The following SMIM35 variants were observed in gnomAD, a reference collection of about 807,000 sequenced individuals.
SMIM35 encodes the protein small integral membrane protein 35.
intron 1 of SMIM35, among the ~76,000 whole-genome samples, chr11:118,050,462 C>A (rs1303197853): frequency 2.6e-5 from 4 of 152,224 alleles, no homozygotes; most frequent in African/African-American, 9.6e-5. Flanking sequence ...CCACTGACAC[C>A]AACCATCAGC....
intron 4 of SMIM35, among the ~76,000 whole-genome samples, chr11:118,008,435 A>G (rs1424172936): frequency 6.6e-6 from 1 of 152,224 alleles, no homozygotes; most frequent in Non-Finnish European, 1.5e-5. Flanking sequence ...GGCTCCTGGC[A>G]CCAGGCCCCC....
chr11:118,029,769 G>A (rs1202111190), intron 1 of SMIM35: 2 of 457,144 alleles, frequency 4.4e-6, no homozygotes, highest in East Asian at 1.4e-4. Flanking sequence ...CCCTTTCCCA[G>A]AGGTCTGAGG....
intron 1 of SMIM35, among the ~76,000 whole-genome samples, chr11:118,076,553 C>T (rs184333869): frequency 8.2e-4 from 125 of 152,248 alleles, no homozygotes; most frequent in Non-Finnish European, 1.6e-3. Flanking sequence ...GAATATTGAA[C>T]GGCTGCTGAG....
intron 1 of SMIM35, among the ~76,000 whole-genome samples, chr11:118,076,123 A>T (rs1241432545): frequency 6.6e-6 from 1 of 152,186 alleles, no homozygotes; most frequent in Non-Finnish European, 1.5e-5. Flanking sequence ...CAAATTAGCC[A>T]GGCATGGTGG....
intron 1 of SMIM35, among the ~76,000 whole-genome samples, chr11:118,056,514 C>T (rs540167086): frequency 1.1e-4 from 17 of 152,212 alleles, no homozygotes; most frequent in South Asian, 4.1e-4. Flanking sequence ...CCAGACCCCA[C>T]GAGGAGATGT....
intron 4 of SMIM35, among the ~76,000 whole-genome samples, chr11:118,013,090 T>C (rs895330387): frequency 1.3e-5 from 2 of 152,208 alleles, no homozygotes; most frequent in African/African-American, 4.8e-5. Context: ...CCAGACTCCA[T>C]TCCCAGAGGC....
chr11:118,019,153 C>G (rs2058206387), intron 1 of SMIM35, among the ~76,000 whole-genome samples: 2 of 152,182 alleles, frequency 1.3e-5, no homozygotes, highest in African/African-American at 2.4e-5. Flanking sequence ...CATTGTTTTA[C>G]ATGTTTTCAA....
At chr11:118,039,774 G>A (rs1943968988) in intron 1 of SMIM35, among the ~76,000 whole-genome samples, 1 of 151,908 alleles carries the variant, frequency 6.6e-6, no homozygotes, top group Admixed American at 6.6e-5. Flanking sequence ...AACCTGGCCA[G>A]GCGCAGTGGC....
intron 1 of SMIM35, among the ~76,000 whole-genome samples, chr11:118,060,506 G>T (rs2135120669): frequency 6.6e-6 from 1 of 152,352 alleles, no homozygotes; most frequent in South Asian, 2.1e-4. Context: ...GGCAGCGAGG[G>T]CAGGACAGGG....
At chr11:118,075,433 A>T (rs992501579) in intron 1 of SMIM35, among the ~76,000 whole-genome samples, 1 of 152,162 alleles carries the variant, frequency 6.6e-6, no homozygotes, top group Non-Finnish European at 1.5e-5. Context: ...CTCAGACATC[A>T]CTGGGGTCCT....
intron 1 of SMIM35, among the ~76,000 whole-genome samples, chr11:118,082,453 C>T (rs530288968): frequency 1.3e-5 from 2 of 152,000 alleles, no homozygotes; most frequent in South Asian, 2.1e-4. Context: ...CCCAGCGACT[C>T]GGGAAGCTGA....
At chr11:118,080,586 G>A (rs575404738) in intron 1 of SMIM35, among the ~76,000 whole-genome samples, 167 of 152,246 alleles carry the variant, frequency 1.1e-3, no homozygotes, top group Middle Eastern at 6.8e-3. Flanking sequence ...TTCCCTCAGT[G>A]CAGCTGAGAA....
intron 1 of SMIM35, among the ~76,000 whole-genome samples, chr11:118,086,093 A>G (rs943917589): frequency 2.0e-5 from 3 of 151,890 alleles, no homozygotes; most frequent in Admixed American, 2.0e-4. Flanking sequence ...CAAATACCTC[A>G]CTCCTGCCCT....
chr11:118,070,009 C>G (rs926457861), intron 1 of SMIM35, among the ~76,000 whole-genome samples: 1 of 152,138 alleles, frequency 6.6e-6, no homozygotes, highest in East Asian at 1.9e-4. Context: ...TGCAGTGAGT[C>G]GAGATCATGC....
At chr11:118,050,221 A>G (rs1186886605) in intron 1 of SMIM35, among the ~76,000 whole-genome samples, 1 of 152,244 alleles carries the variant, frequency 6.6e-6, no homozygotes, top group Non-Finnish European at 1.5e-5. Flanking sequence ...TGAGAGTCAC[A>G]TGAAGTAATG....
chr11:118,051,550 G>A (rs1399463362), intron 1 of SMIM35, among the ~76,000 whole-genome samples: 8 of 152,200 alleles, frequency 5.3e-5, no homozygotes, highest in South Asian at 4.1e-4. Context: ...GAGTCTCAGC[G>A]ATCCATTGCA....
At chr11:118,057,750 A>G (rs1300646784) in intron 1 of SMIM35, among the ~76,000 whole-genome samples, 1 of 152,188 alleles carries the variant, frequency 6.6e-6, no homozygotes, top group Non-Finnish European at 1.5e-5. Context: ...AATGAGAGAA[A>G]TCGGAGGTGT....
In SMIM35 at chr11:118,052,565, C is replaced by A. The variant is rs761484245; in HGVS notation, c.7+34186G>T. Among the ~76,000 whole-genome samples, 17 of 152,126 alleles carry A rather than the reference C, an allele frequency of 1.1e-4. 1 individual carries two copies. Among genetic ancestry groups the A allele is most frequent in the Non-Finnish European group, 5.9e-5 (4 of 68,024 alleles). The stretch of plus-strand genomic sequence containing the variant: ...TCAAAACTATGTAAGCCTCAGGCCC[C>A]CACAGAACCTGAGTCTGCCCTGGCT... On this transcript the variant is annotated intron_variant, in intron 1 of 4. Transcript: ENST00000689828.
At chr11:118,043,042 G>A (rs1944031680) in intron 1 of SMIM35, among the ~76,000 whole-genome samples, 1 of 152,214 alleles carries the variant, frequency 6.6e-6, no homozygotes, top group Non-Finnish European at 1.5e-5. Context: ...CAGCAATCAT[G>A]CTAAATGGTA....
Sources: gnomAD v4.1 joint callset for allele counts (sites outside exome capture counted in the v4.1 genomes callset) on GRCh38, gnomAD v4.1.1 for gene constraint, MANE v1.5 for transcripts, NCBI Gene and HGNC (gene_info 2026-07-23, HGNC 2026-07-21) for gene names.